The following PTH2R variants were observed in gnomAD, a reference collection of about 807,000 sequenced individuals.
The protein encoded by PTH2R is parathyroid hormone 2 receptor.
A neutral mutation model predicts 60.3 loss-of-function variants in PTH2R; 59 were observed. The ratio of observed to expected loss-of-function variants is 0.98; its 90% confidence interval spans 0.79 to 1.22. The LOEUF (loss-of-function observed/expected upper bound fraction) is 1.22, where lower values mean the gene tolerates loss of function less well. PTH2R is among the 50% of genes most tolerant of loss of function. The pLI, the probability that PTH2R is intolerant of heterozygous loss-of-function variation, is 0.00. For missense variants in PTH2R, 749 were observed against 682.6 expected (o/e 1.10, Z -1.08); for synonymous variants, 256 against 243.8 (o/e 1.05, Z -0.47).
At chr2:208,398,156 C>A (rs1701246946) in intron 1 of PTH2R, among the ~76,000 whole-genome samples, 1 of 152,034 alleles carries the variant, frequency 6.6e-6, no homozygotes, top group Non-Finnish European at 1.5e-5. Context: ...GAATTTGTCA[C>A]CCTAGGCATT....
intron 1 of PTH2R, among the ~76,000 whole-genome samples, chr2:208,422,353 C>T (rs927519784): frequency 3.3e-5 from 5 of 152,138 alleles, no homozygotes; most frequent in Admixed American, 1.3e-4. Context: ...CATGGCCCAT[C>T]GAAGTTGCTA....
intron 2 of PTH2R, among the ~76,000 whole-genome samples, chr2:208,434,309 A>G (rs1702030576): frequency 6.6e-6 from 1 of 152,274 alleles, no homozygotes; most frequent in South Asian, 2.1e-4. Flanking sequence ...CAAAAAAAAA[A>G]AAATCTCTAT....
chr2:208,488,630 A>G (rs982448289), intron 10 of PTH2R, among the ~76,000 whole-genome samples: 5 of 152,144 alleles, frequency 3.3e-5, no homozygotes, highest in Non-Finnish European at 7.3e-5. Flanking sequence ...GGGAAGGGAA[A>G]AAACTAGCAG....
chr2:208,446,911 G>A (rs1181880568), intron 7 of PTH2R, among the ~76,000 whole-genome samples: 1 of 152,130 alleles, frequency 6.6e-6, no homozygotes, highest in Non-Finnish European at 1.5e-5. Flanking sequence ...AACTGAGAGC[G>A]AGTCCAATTT....
chr2:208,431,596 C>G (rs1559217949), intron 2 of PTH2R, among the ~76,000 whole-genome samples: 1 of 152,228 alleles, frequency 6.6e-6, no homozygotes, highest in East Asian at 1.9e-4. Flanking sequence ...AGAATTTCCC[C>G]TCCACTGTTT....
chr2:208,399,219 C>G (rs1391012203), intron 1 of PTH2R, among the ~76,000 whole-genome samples: 1 of 152,096 alleles, frequency 6.6e-6, no homozygotes, highest in Admixed American at 6.5e-5. Flanking sequence ...CTAGTAAATA[C>G]TTAGTGAGTT....
intron 1 of PTH2R, among the ~76,000 whole-genome samples, chr2:208,379,946 C>T (rs1375194488): frequency 6.6e-6 from 1 of 151,796 alleles, no homozygotes; most frequent in Non-Finnish European, 1.5e-5. Flanking sequence ...TAGAAAAATT[C>T]AAAGGCTCAG....
intron 1 of PTH2R, among the ~76,000 whole-genome samples, chr2:208,397,653 G>C (rs531336596): frequency 6.6e-6 from 1 of 152,180 alleles, no homozygotes; most frequent in Non-Finnish European, 1.5e-5. Context: ...TGGAGGAGGC[G>C]GTGTCTTACT....
At chr2:208,377,261 T>C (rs1386725292) in intron 1 of PTH2R, among the ~76,000 whole-genome samples, 1 of 152,110 alleles carries the variant, frequency 6.6e-6, no homozygotes, top group East Asian at 1.9e-4. Flanking sequence ...AAGTCTCCCA[T>C]GTCTACTTCT....
chr2:208,372,334 G>A (rs1014704566), intron 1 of PTH2R, among the ~76,000 whole-genome samples: 3 of 152,058 alleles, frequency 2.0e-5, no homozygotes, highest in African/African-American at 7.3e-5. Flanking sequence ...AGGATGCTTG[G>A]TCAAGCCTCA....
At chr2:208,403,049 T>C (rs1414292718), upstream of PTH2R, among the ~76,000 whole-genome samples, 1 of 152,222 alleles carries the variant, frequency 6.6e-6, no homozygotes, top group Admixed American at 6.5e-5. Flanking sequence ...AGTTTATGTA[T>C]CTCTAAGGCT....
intron 2 of PTH2R, among the ~76,000 whole-genome samples, chr2:208,428,628 A>T (rs1387712812): frequency 6.6e-6 from 1 of 152,214 alleles, no homozygotes; most frequent in Non-Finnish European, 1.5e-5. Flanking sequence ...CCATGCAGTA[A>T]GCTTGGAGGA....
intron 9 of PTH2R, among the ~76,000 whole-genome samples, chr2:208,474,604 A>G (rs1702958506): frequency 6.6e-6 from 1 of 152,260 alleles, no homozygotes; most frequent in Admixed American, 6.5e-5. Context: ...GGAAGGAACA[A>G]TGCATCTGCA....
chr2:208,415,322 G>A (rs1333604991), intron 1 of PTH2R, among the ~76,000 whole-genome samples: 1 of 152,084 alleles, frequency 6.6e-6, no homozygotes, highest in Admixed American at 6.5e-5. Context: ...ACAATATTTT[G>A]TAAGTGTGAA....
intron 9 of PTH2R, among the ~76,000 whole-genome samples, chr2:208,463,336 C>T (rs1323087161): frequency 6.6e-6 from 1 of 152,090 alleles, no homozygotes; most frequent in Non-Finnish European, 1.5e-5. Context: ...TCCATTCTTC[C>T]TTCAGGTCCC....
intron 9 of PTH2R, among the ~76,000 whole-genome samples, chr2:208,478,329 T>C (rs1313973533): frequency 1.3e-5 from 2 of 152,200 alleles, no homozygotes; most frequent in Non-Finnish European, 2.9e-5. Flanking sequence ...CTAAAATCAA[T>C]GTGTCAGCAG....
intron 4 of PTH2R, among the ~76,000 whole-genome samples, chr2:208,441,785 A>G (rs944802080): frequency 6.6e-6 from 1 of 152,220 alleles, no homozygotes; most frequent in Non-Finnish European, 1.5e-5. Flanking sequence ...ATGACATAGA[A>G]CTATAAATAT....
rs575671092 is a variant in PTH2R at position 208,481,191 on chromosome 2, A to G, written c.1076+27A>G. On this transcript the variant is annotated intron_variant, in intron 10 of 12. Transcript: ENST00000272847. ...TAATTTCAGGAGAGGCATCCATCAG[A>G]GGAAATATTTTGGTTACTATTTCTT... The G allele has an allele frequency of 2.2e-5, 31 of 1,432,492 alleles. No homozygotes were observed. In the South Asian group the frequency reaches 3.3e-4, roughly 15 times the overall value. The allele number at this position is 1,432,492 out of a possible 1,614,324, so 88.7% of individuals were successfully genotyped here. A position where few individuals can be genotyped will look rare whatever the true frequency, so the allele number is the denominator to read the frequency against.
intron 8 of PTH2R, among the ~76,000 whole-genome samples, chr2:208,453,937 A>T (rs1213402615): frequency 6.6e-6 from 1 of 152,218 alleles, no homozygotes; most frequent in Non-Finnish European, 1.5e-5. Context: ...CGATCATTAT[A>T]TATAAACAGA....
Sources: gnomAD v4.1 joint callset for allele counts (sites outside exome capture counted in the v4.1 genomes callset) on GRCh38, gnomAD v4.1.1 for gene constraint, MANE v1.5 for transcripts, NCBI Gene and HGNC (gene_info 2026-07-23, HGNC 2026-07-21) for gene names.